INPP5F: variants seen among roughly 807,000 people sequenced by gnomAD.
INPP5F encodes the protein inositol polyphosphate-5-phosphatase F, also known as phosphatidylinositide 4-phosphatase SAC2.
A neutral mutation model predicts 137.2 loss-of-function variants in INPP5F; 97 were observed. That is an observed-to-expected ratio of 0.71 (90% CI 0.60 to 0.84). INPP5F has a LOEUF of 0.84. Among genes scored for constraint, INPP5F ranks in the 40% least tolerant of loss-of-function variants. The pLI is 0.00. For synonymous variants in INPP5F, 504 were observed against 476.9 expected (o/e 1.06, Z -0.74); for missense variants, 1,271 against 1,371.9 (o/e 0.93, Z 1.16).
At chr10:119,774,509 T>C (rs1046721254) in intron 2 of INPP5F, among the ~76,000 whole-genome samples, 1 of 151,746 alleles carries the variant, frequency 6.6e-6, no homozygotes, top group Non-Finnish European at 1.5e-5. Flanking sequence ...TTTTTTTTCT[T>C]TCTTTCTTGA....
In INPP5F at chr10:119,822,488, G is replaced by A; in HGVS notation, c.2016G>A (p.Leu672=). 1 of 1,509,222 alleles carries A rather than the reference G, an allele frequency of 6.6e-7. No homozygotes were observed. The highest frequency in any genetic ancestry group is 1.8e-5 in the Admixed American group (1 of 55,144). The allele number at this position is 1,509,222 out of a possible 1,614,324, so 93.5% of individuals were successfully genotyped here. A position where few individuals can be genotyped will look rare whatever the true frequency, so the allele number is the denominator to read the frequency against. The change falls in exon 17 of 20, where the codon CTG becomes CTA. Residue 672 remains leucine (L), a synonymous_variant. Coordinates refer to ENST00000650623, the MANE Select transcript of INPP5F (RefSeq NM_014937.4). ...ATCAACGACTAAGTCTAGAAAACCT[G>A]GAAAAAATTGAAATAGGTAAGTTTT... ...NQYQRLSLEN[L]EKIEIGPEPT... is the part of the protein sequence containing the mutation.
At chr10:119,757,669 T>C (rs1848888666) in intron 2 of INPP5F, among the ~76,000 whole-genome samples, 3 of 151,812 alleles carry the variant, frequency 2.0e-5, no homozygotes, top group Non-Finnish European at 2.9e-5. Flanking sequence ...CATGCGCCTG[T>C]AATCCCAGCC....
At chr10:119,798,356 G>T (rs574052550) in intron 8 of INPP5F, among the ~76,000 whole-genome samples, 187 bp from the exon 9 acceptor site, 18 of 152,122 alleles carry the variant, frequency 1.2e-4, no homozygotes, top group Middle Eastern at 6.8e-3. Context: ...ATATATTTTA[G>T]TGTAGTGTAA....
intron 7 of INPP5F, 114 bp from the exon 8 acceptor site, chr10:119,797,347 C>A: frequency 1.2e-6 from 1 of 814,238 alleles, no homozygotes; most frequent in Non-Finnish European, 1.9e-6. Flanking sequence ...GGCAGTTGCA[C>A]ACTGAATCCC....
chr10:119,796,842 C>T lies in INPP5F; in HGVS notation c.797C>T (p.Ser266Phe), dbSNP rs761223167. Reference protein sequence around the residue: ...KSSPETPPQESTCVDDIHPRF... With the variant: ...KSSPETPPQEFTCVDDIHPRF... ...AGCCCAGAGACCCCCCCTCAGGAGT[C>T]CACCTGTGTAGATGATATTCACCCA... is the stretch of plus-strand genomic sequence containing the variant. Residue 266 changes from serine to phenylalanine, a missense_variant, in exon 7 of 20, where the codon TCC becomes TTC. Physicochemically the swap from Ser to Phe is radical, Grantham distance 155. This residue lies in a region of INPP5F where 593 missense variants were observed against 712.4 expected (regional missense o/e 0.83). Transcript: ENST00000650623. 1.2e-6 allele frequency: 2 copies of T among 1,613,912 alleles called. No individual in the cohort carries two copies. Among genetic ancestry groups the T allele is most frequent in the East Asian group, 2.2e-5 (1 of 44,884 alleles).
intron 3 of INPP5F, among the ~76,000 whole-genome samples, chr10:119,782,647 C>T (rs1438542549): frequency 6.6e-6 from 1 of 151,516 alleles, no homozygotes; most frequent in Admixed American, 6.6e-5. Context: ...CAGACCTTGT[C>T]TTGTGGAAAA....
chr10:119,810,068 A>G (rs370982919), intron 13 of INPP5F, 32 bp from the exon 14 acceptor site: 12 of 1,262,896 alleles, frequency 9.5e-6, no homozygotes, highest in East Asian at 2.3e-5. Flanking sequence ...TTGTGTTTAA[A>G]TAAGATGTCA....
intron 9 of INPP5F, 152 bp from the exon 10 acceptor site, chr10:119,804,021 G>T: frequency 1.9e-6 from 1 of 522,564 alleles, no homozygotes. Flanking sequence ...ATGTTTGAGT[G>T]GATTAATTTC....
At chr10:119,801,795 C>T (rs971702284) in intron 9 of INPP5F, among the ~76,000 whole-genome samples, 2 of 152,056 alleles carry the variant, frequency 1.3e-5, no homozygotes, top group Non-Finnish European at 2.9e-5. Context: ...GAATAAACCA[C>T]ATTTTAAGTG....
intron 2 of INPP5F, among the ~76,000 whole-genome samples, chr10:119,759,009 A>C (rs1848931334): frequency 6.6e-6 from 1 of 152,214 alleles, no homozygotes; most frequent in Admixed American, 6.5e-5. Context: ...CTTAAAAGCC[A>C]CTGGAAACCC....
At chr10:119,805,513 G>A (rs1850743544) in intron 11 of INPP5F, 52 bp downstream of exon 11, 6 of 1,207,334 alleles carry the variant, frequency 5.0e-6, no homozygotes, top group South Asian at 1.2e-5. Flanking sequence ...CTGTAAAATA[G>A]TACCACTGAG....
intron 15 of INPP5F, among the ~76,000 whole-genome samples, chr10:119,818,468 C>T (rs1329086532): frequency 2.6e-5 from 4 of 152,234 alleles, no homozygotes; most frequent in Non-Finnish European, 5.9e-5. Flanking sequence ...TCGCCCGGCC[C>T]GCCAGCGCCC....
intron 1 of INPP5F, among the ~76,000 whole-genome samples, chr10:119,728,358 A>C (rs1847950531): frequency 6.6e-6 from 1 of 152,220 alleles, no homozygotes; most frequent in Non-Finnish European, 1.5e-5. Flanking sequence ...TTTCTAACTA[A>C]TGGCTATTTA....
rs2134316040 is a variant in INPP5F, at chr10:119,828,057, A to AC, written c.*279dup. Reference sequence around the variant, plus strand: ...CAGCAACAGGTCACTTTGGGATATAACCTGAACCTTTTTTTGGAGTGGGGT... The same window carrying AC: ...CAGCAACAGGTCACTTTGGGATATAACCCTGAACCTTTTTTTGGAGTGGGGT... On this transcript the variant is annotated 3_prime_UTR_variant, in exon 20 of 20. Transcript: ENST00000650623. The AC allele has an allele frequency of 3.5e-6, 1 of 284,146 alleles. No homozygotes were observed. Among genetic ancestry groups the AC allele is most frequent in the African/African-American group, 2.2e-5 (1 of 44,906 alleles). The allele number at this position is 284,146 out of a possible 1,614,324, so 17.6% of individuals were successfully genotyped here.
chr10:119,757,025 C>T (rs552351441), intron 2 of INPP5F, among the ~76,000 whole-genome samples: 5 of 152,228 alleles, frequency 3.3e-5, no homozygotes, highest in African/African-American at 1.2e-4. Context: ...TCCGACAACT[C>T]AAACGTGTCT....
At chr10:119,726,559 A>C (rs1847897883) in intron 1 of INPP5F, among the ~76,000 whole-genome samples, 200 bp downstream of exon 1, 1 of 151,978 alleles carries the variant, frequency 6.6e-6, no homozygotes, top group Admixed American at 6.5e-5. Context: ...CCGAGCCCCT[A>C]CCCCAGTGCG....
At chr10:119,811,711 T>G (rs749466863) in intron 14 of INPP5F, 46 bp from the exon 15 acceptor site, 1 of 1,457,158 alleles carries the variant, frequency 6.9e-7, no homozygotes, top group Admixed American at 2.0e-5. Flanking sequence ...TTTAAAAATA[T>G]ATTAGTAAAC....
At chr10:119,800,566 A>AC (rs961926915) in intron 9 of INPP5F, among the ~76,000 whole-genome samples, 3 of 151,596 alleles carry the variant, frequency 2.0e-5, no homozygotes, top group Non-Finnish European at 4.4e-5. Context: ...AAAAAAAAAA[A>AC]ACAAAAACCA....
At chr10:119,810,320 C>T (rs1453095046) in intron 14 of INPP5F, 103 bp downstream of exon 14, 4 of 625,050 alleles carry the variant, frequency 6.4e-6, no homozygotes, top group Non-Finnish European at 1.1e-5. Context: ...TTGTAATATA[C>T]TTGTGTTTCT....
Sources: gnomAD v4.1 joint callset for allele counts (sites outside exome capture counted in the v4.1 genomes callset) on GRCh38, gnomAD v4.1.1 for gene constraint, gnomAD v4.1.1 regional missense constraint, MANE v1.5 for transcripts, NCBI Gene and HGNC (gene_info 2026-07-23, HGNC 2026-07-21) for gene names.